Variants in ICAM1 observed in about 807,000 individuals in gnomAD.
ICAM1 encodes ICAM-1.
Under a neutral mutation model 42.3 loss-of-function variants are expected in ICAM1, and 28 were observed. That is an observed-to-expected ratio of 0.66 (90% CI 0.49 to 0.91). The LOEUF is 0.91. Ranked by LOEUF, ICAM1 falls within the 40% of genes least tolerant of loss-of-function variation. ICAM1 has a pLI of 0.00. For missense variants in ICAM1, 637 were observed against 688.6 expected (o/e 0.93, Z 0.84); for synonymous variants, 304 against 305.9 (o/e 0.99, Z 0.07).
Position 10,284,201 on chromosome 19 carries a change from CCTT to C in ICAM1, c.809_811del (p.Phe270del), listed in dbSNP as rs2040084377. The stretch of plus-strand genomic sequence containing the variant: ...CCCACAGTCACCTATGGCAACGACT[CCTT>C]CTCGGCCAAGGCCTCAGTCAGTGTG... On this transcript the variant is annotated inframe_deletion, in exon 4 of 7. Coordinates refer to ENST00000264832, the MANE Select transcript of ICAM1 (RefSeq NM_000201.3). This position sits in a 1 kb window ranked among gnomAD's most constrained non-coding sequence, Gnocchi z 5.4. 3.1e-6 allele frequency: 5 copies of C among 1,613,944 alleles called. No homozygotes were observed. Among genetic ancestry groups the C allele is most frequent in the Non-Finnish European group, 4.2e-6 (5 of 1,180,046 alleles).
rs749591375 is a variant in ICAM1 at position 10,284,874 on chromosome 19, C to T, written c.1272C>T (p.Asn424=). 21 of 1,595,160 alleles carry T rather than the reference C, an allele frequency of 1.3e-5. No homozygotes were observed. The highest frequency in any genetic ancestry group is 1.1e-5 in the South Asian group (1 of 88,622). ...QQTPMCQAWG[N]PLPELKCLKD... is the part of the protein sequence containing the mutation. ...CTCCAATGTGCCAGGCTTGGGGGAACCCATTGCCCGAGCTCAAGTGTCTAA... is the reference window on the plus strand; with the variant it reads ...CTCCAATGTGCCAGGCTTGGGGGAATCCATTGCCCGAGCTCAAGTGTCTAA... The change falls in exon 6 of 7, where the codon AAC becomes AAT. Residue 424 remains asparagine (N), a synonymous_variant. Transcript: ENST00000264832. The surrounding 1 kb of genome is among the most constrained non-coding windows in gnomAD (Gnocchi z 5.4).
rs755398718 is a variant in ICAM1, at chr19:10,285,202, G to A, written c.1514G>A (p.Arg505His). The A allele has an allele frequency of 2.3e-5, 37 of 1,614,002 alleles. No individual in the cohort carries two copies. In the South Asian group the frequency reaches 2.3e-4, roughly 10 times the overall value. ...GGCCTCAGCACGTACCTCTATAACCGCCAGCGGAAGATCAAGAAATACAGA... is the reference window on the plus strand; with the variant it reads ...GGCCTCAGCACGTACCTCTATAACCACCAGCGGAAGATCAAGAAATACAGA... ...TAGLSTYLYNRQRKIKKYRLQ... is the reference protein window; with the variant it reads ...TAGLSTYLYNHQRKIKKYRLQ... The change falls in exon 7 of 7, where the codon CGC becomes CAC. Residue 505 changes from arginine to histidine, a missense_variant. By Grantham distance (29) the Arg-to-His change is conservative. Coordinates refer to ENST00000264832, the MANE Select transcript of ICAM1 (RefSeq NM_000201.3).
At chr19:10,280,722 A>C (rs1443081485) in intron 2 of ICAM1, among the ~76,000 whole-genome samples, 1 of 152,018 alleles carries the variant, frequency 6.6e-6, no homozygotes, top group Non-Finnish European at 1.5e-5. Flanking sequence ...GGCATGCGAC[A>C]CCACACAAGG....
At chr19:10,272,587 C>T (rs1208329055) in intron 1 of ICAM1, among the ~76,000 whole-genome samples, 6 of 80,684 alleles carry the variant, frequency 7.4e-5, no homozygotes, top group Non-Finnish European at 1.1e-4. Flanking sequence ...TTTTTTGAGA[C>T]GGAGTCTCAC....
chr19:10,273,093 TC>T (rs1229657544), intron 1 of ICAM1, among the ~76,000 whole-genome samples: 1 of 152,116 alleles, frequency 6.6e-6, no homozygotes, highest in African/African-American at 2.4e-5. Context: ...ACACAGTGGC[TC>T]ACACCTGTAA....
rs1036180125 is a variant in ICAM1, at chr19:10,284,622, T to C, written c.1145T>C (p.Ile382Thr). 6 of 1,614,052 alleles carry C rather than the reference T, an allele frequency of 3.7e-6. No homozygotes were observed. The highest frequency in any genetic ancestry group is 5.1e-6 in the Non-Finnish European group (6 of 1,180,024). Residue 382 changes from isoleucine to threonine, a missense_variant, in exon 5 of 7, where the codon ATA becomes ACA. Coordinates refer to ENST00000264832, the MANE Select transcript of ICAM1 (RefSeq NM_000201.3). The surrounding 1 kb of genome is among the most constrained non-coding windows in gnomAD (Gnocchi z 5.4). ...ACCCTGGAGGTGGCCGGCCAGCTTA[T>C]ACACAAGAACCAGACCCGGGAGCTT... ...SATLEVAGQL[I>T]HKNQTRELRV... is the part of the protein sequence containing the mutation.
At chr19:10,280,936 C>T (rs966796951) in intron 2 of ICAM1, among the ~76,000 whole-genome samples, 3 of 129,952 alleles carry the variant, frequency 2.3e-5, no homozygotes, top group Admixed American at 1.9e-4. Flanking sequence ...TGCAGTGGTT[C>T]GATCTGGGCT....
chr19:10,274,635 A>T, intron 1 of ICAM1, 130 bp from the exon 2 acceptor site: 2 of 1,063,078 alleles, frequency 1.9e-6, no homozygotes, highest in Non-Finnish European at 2.7e-6. Flanking sequence ...TTTTCTCTTT[A>T]ACTTCCACAT....
At chr19:10,272,366 G>C (rs1215033034) in intron 1 of ICAM1, among the ~76,000 whole-genome samples, 1 of 152,064 alleles carries the variant, frequency 6.6e-6, no homozygotes, top group East Asian at 1.9e-4. Flanking sequence ...CTATGAAATG[G>C]GAATGGTCCC....
At chr19:10,275,438 G>C (rs1344108540) in intron 2 of ICAM1, among the ~76,000 whole-genome samples, 1 of 152,122 alleles carries the variant, frequency 6.6e-6, no homozygotes, top group Non-Finnish European at 1.5e-5. Flanking sequence ...AGAGATTGCA[G>C]TGAGCCGCGA....
chr19:10,281,985 G>A (rs113822852), intron 2 of ICAM1, among the ~76,000 whole-genome samples: 88 of 151,552 alleles, frequency 5.8e-4, no homozygotes, highest in African/African-American at 1.9e-3. Context: ...CAGGTGATCC[G>A]CCTGCCTCGG....
chr19:10,272,814 C>T (rs964977790), intron 1 of ICAM1, among the ~76,000 whole-genome samples: 4 of 151,926 alleles, frequency 2.6e-5, no homozygotes, highest in African/African-American at 9.7e-5. Context: ...GGATTACATG[C>T]GTGAGCCACA....
intron 2 of ICAM1, among the ~76,000 whole-genome samples, chr19:10,282,573 TG>T (rs1054103953): frequency 2.6e-5 from 4 of 151,874 alleles, no homozygotes; most frequent in Non-Finnish European, 4.4e-5. Context: ...TTCTTAGAGA[TG>T]GGGGTCTCCC....
chr19:10,282,955 G>A (rs2040072285), intron 2 of ICAM1, among the ~76,000 whole-genome samples: 2 of 152,116 alleles, frequency 1.3e-5, no homozygotes, highest in South Asian at 4.1e-4. Context: ...AGAGGTTGCA[G>A]TGAGCCAAGA....
At chr19:10,281,742 T>TC (rs1176541655) in intron 2 of ICAM1, among the ~76,000 whole-genome samples, 1 of 88,206 alleles carries the variant, frequency 1.1e-5, no homozygotes, top group Admixed American at 1.2e-4. Flanking sequence ...TTTTTTTTTT[T>TC]CCTCTGAGAG....
intron 2 of ICAM1, among the ~76,000 whole-genome samples, chr19:10,281,515 A>G (rs2040058924): frequency 6.6e-6 from 1 of 151,950 alleles, no homozygotes; most frequent in Admixed American, 6.6e-5. Flanking sequence ...CATGACTACA[A>G]TCTAATTTTA....
At chr19:10,282,691 T>G (rs1322193039) in intron 2 of ICAM1, among the ~76,000 whole-genome samples, 1 of 99,956 alleles carries the variant, frequency 1.0e-5, no homozygotes, top group African/African-American at 3.8e-5. Context: ...GGCCAACAGG[T>G]TTTTTTTTTT....
rs527654714 is a variant in ICAM1 at position 10,284,949 on chromosome 19, A to G, written c.1347A>G (p.Arg449=). The change falls in exon 6 of 7, where the codon CGA becomes CGG. Residue 449 remains arginine (R), a synonymous_variant. Coordinates refer to ENST00000264832, the MANE Select transcript of ICAM1 (RefSeq NM_000201.3). The surrounding 1 kb of genome is among the most constrained non-coding windows in gnomAD (Gnocchi z 5.4). ...TCGGGGAATCAGTGACTGTCACTCG[A>G]GATCTTGAGGGCACCTACCTCTGTC... The part of the protein sequence containing the change: ...LPIGESVTVT[R]DLEGTYLCRA... 3 of 1,610,440 alleles carry G rather than the reference A, an allele frequency of 1.9e-6. No homozygotes were observed. In the East Asian group the frequency reaches 6.7e-5, roughly 36 times the overall value.
intron 2 of ICAM1, among the ~76,000 whole-genome samples, chr19:10,282,694 T>G (rs1208329764): frequency 1.4e-5 from 2 of 145,356 alleles, no homozygotes; most frequent in African/African-American, 4.9e-5. Flanking sequence ...CAACAGGTTT[T>G]TTTTTTTGTT....
Sources: allele counts gnomAD v4.1 joint callset (sites outside exome capture counted in the v4.1 genomes callset), GRCh38; gene constraint gnomAD v4.1.1; non-coding constraint Gnocchi (gnomAD v3.1); transcripts MANE v1.5; gene names NCBI Gene and HGNC (gene_info 2026-07-23, HGNC 2026-07-21).